Variants in PHEX observed in about 807,000 individuals in gnomAD.
PHEX encodes phosphate regulating endopeptidase X-linked.
Under a neutral mutation model 68.0 loss-of-function variants are expected in PHEX, and 16 were observed. The observed-to-expected ratio is 0.24, with a 90% CI of 0.16 to 0.36. PHEX has a LOEUF of 0.36. Among genes scored for constraint, PHEX ranks in the 10% least tolerant of loss-of-function variants. The pLI is 1.00. For synonymous variants in PHEX, 208 were observed against 205.1 expected (o/e 1.01, Z -0.12); for missense variants, 480 against 575.5 (o/e 0.83, Z 1.70).
intron 20 of PHEX, among the ~76,000 whole-genome samples, chrX:22,231,087 A>AAAAC (rs1417843332): frequency 8.9e-6 from 1 of 112,449 alleles, no homozygotes; most frequent in Non-Finnish European, 1.9e-5. Context: ...TGCATATGTT[A>AAAAC]AAACAGCCTT....
chrX:22,245,274 C>A, intron 20 of PHEX, 59 bp from the exon 21 acceptor site: 1 of 933,096 alleles, frequency 1.1e-6, no homozygotes, highest in Non-Finnish European at 1.6e-6. Flanking sequence ...GCAGTTAAAA[C>A]AGCAGAAAAT....
intron 18 of PHEX, among the ~76,000 whole-genome samples, chrX:22,224,668 A>G (rs1298024589): frequency 9.0e-6 from 1 of 111,229 alleles, no homozygotes; most frequent in Non-Finnish European, 1.9e-5. Context: ...ATTAGCACTT[A>G]CTTACCTCAT....
At chrX:22,062,207 G>C (rs1449539722) in intron 3 of PHEX, among the ~76,000 whole-genome samples, 1 of 111,614 alleles carries the variant, frequency 9.0e-6, no homozygotes, top group Non-Finnish European at 1.9e-5. Context: ...TAGAATTTGA[G>C]ATGAGATTTG....
At chrX:22,191,945 GATACTATAT>G (rs1159961314) in intron 15 of PHEX, among the ~76,000 whole-genome samples, 1 of 112,318 alleles carries the variant, frequency 8.9e-6, no homozygotes, top group Non-Finnish European at 1.9e-5. Context: ...TATCAAGTAT[GATACTATAT>G]AAATAAAGTT....
intron 2 of PHEX, among the ~76,000 whole-genome samples, chrX:22,039,939 A>AAAAAC (rs199654565): frequency 1.8e-5 from 2 of 111,677 alleles, no homozygotes; most frequent in African/African-American, 6.5e-5. Flanking sequence ...CTGTCTCAAA[A>AAAAAC]AAAACAAAAC....
intron 15 of PHEX, among the ~76,000 whole-genome samples, chrX:22,193,310 A>G (rs1446744559): frequency 1.8e-5 from 2 of 111,483 alleles, no homozygotes; most frequent in Non-Finnish European, 3.8e-5. Flanking sequence ...TTTGGCACAT[A>G]TAAGTTATAA....
At chrX:22,144,437 C>T (rs1310702245) in intron 12 of PHEX, among the ~76,000 whole-genome samples, 1 of 111,204 alleles carries the variant, frequency 9.0e-6, no homozygotes, top group Non-Finnish European at 1.9e-5. Flanking sequence ...TAACTAATCT[C>T]CGTATACTTA....
chrX:22,166,548 TACA>T (rs1933327589), intron 12 of PHEX, among the ~76,000 whole-genome samples: 1 of 111,117 alleles, frequency 9.0e-6, no homozygotes, highest in South Asian at 3.8e-4. Context: ...ATATATGATG[TACA>T]ACATGATGTT....
chrX:22,113,943 C>CTTTTTTT (rs746349559), intron 10 of PHEX, among the ~76,000 whole-genome samples: 4 of 63,994 alleles, frequency 6.3e-5, no homozygotes, highest in African/African-American at 6.0e-5. Context: ...TCTTCTTCTT[C>CTTTTTTT]TTTTTTTTTT....
At chrX:22,044,007 T>C (rs1260783705) in intron 2 of PHEX, among the ~76,000 whole-genome samples, 9 of 111,457 alleles carry the variant, frequency 8.1e-5, no homozygotes, top group Middle Eastern at 4.6e-3. Flanking sequence ...AATGATGAAT[T>C]GGGAGGCTGC....
At chrX:22,238,432 C>T (rs1161130739) in intron 20 of PHEX, among the ~76,000 whole-genome samples, 7 of 111,735 alleles carry the variant, frequency 6.3e-5, no homozygotes, top group Admixed American at 4.7e-4. Flanking sequence ...CCACAGTCTT[C>T]GCAACTGGCA....
intron 5 of PHEX, among the ~76,000 whole-genome samples, chrX:22,080,283 C>T (rs1053679553): frequency 1.8e-5 from 2 of 112,134 alleles, no homozygotes; most frequent in Non-Finnish European, 3.8e-5. Flanking sequence ...TTATTGCTCT[C>T]TTTTGTCAAG....
chrX:22,079,763 C>G (rs538216401), intron 5 of PHEX, among the ~76,000 whole-genome samples: 7 of 111,545 alleles, frequency 6.3e-5, no homozygotes, highest in African/African-American at 2.3e-4. Flanking sequence ...AACTGTCTTA[C>G]ATTCTGAATT....
intron 20 of PHEX, among the ~76,000 whole-genome samples, chrX:22,234,850 GAAAAACAACAACAATGAAACAACA>G (rs1370049938): frequency 9.4e-6 from 1 of 106,916 alleles, no homozygotes; most frequent in African/African-American, 3.4e-5. Context: ...CACACACACA[GAAAAACAACAACAATGAAACAACA>G]AAAAACTCTT....
At chrX:22,061,704 G>C (rs964071381) in intron 3 of PHEX, among the ~76,000 whole-genome samples, 1 of 111,457 alleles carries the variant, frequency 9.0e-6, no homozygotes, top group Non-Finnish European at 1.9e-5. Context: ...AAGGTCACAC[G>C]GCTGATATGC....
intron 11 of PHEX, among the ~76,000 whole-genome samples, chrX:22,126,997 G>A (rs1453226851): frequency 8.7e-5 from 9 of 103,567 alleles, no homozygotes; most frequent in African/African-American, 3.2e-4. Flanking sequence ...TCAGCCTCTC[G>A]AGTAGCTGAG....
chrX:22,107,206 G>A (rs376722016), intron 9 of PHEX, among the ~76,000 whole-genome samples: 14 of 112,093 alleles, frequency 1.2e-4, no homozygotes, highest in African/African-American at 3.9e-4. Flanking sequence ...GATCTCAGGG[G>A]AGCTGGAAGG....
intron 20 of PHEX, 57 bp downstream of exon 20, chrX:22,227,668 C>A (rs994784116): frequency 2.4e-5 from 19 of 801,530 alleles, no homozygotes; most frequent in Non-Finnish European, 3.2e-5. Context: ...AGTTTGCTCC[C>A]TTGATCAAAG....
At chrX:22,105,685 CT>C (rs1930651575) in intron 9 of PHEX, among the ~76,000 whole-genome samples, 1 of 111,647 alleles carries the variant, frequency 9.0e-6, no homozygotes, top group South Asian at 3.8e-4. Flanking sequence ...TTGGAAGTAC[CT>C]TGACCTCTTA....
Sources: gnomAD v4.1 joint callset for allele counts (sites outside exome capture counted in the v4.1 genomes callset) on GRCh38, gnomAD v4.1.1 for gene constraint, MANE v1.5 for transcripts, NCBI Gene and HGNC (gene_info 2026-07-23, HGNC 2026-07-21) for gene names.